Variants in LIMCH1 observed in about 807,000 individuals in gnomAD.
The protein encoded by LIMCH1 is LIM and calponin homology domains-containing protein 1.
Under a neutral mutation model 176.5 loss-of-function variants are expected in LIMCH1, and 113 were observed. That is an observed-to-expected ratio of 0.64 (90% CI 0.55 to 0.75). LIMCH1 has a LOEUF of 0.75. Among genes scored for constraint, LIMCH1 ranks in the 30% least tolerant of loss-of-function variants. The pLI is 0.00. For synonymous variants in LIMCH1, 619 were observed against 645.9 expected (o/e 0.96, Z 0.63); for missense variants, 1,674 against 1,814.9 (o/e 0.92, Z 1.41).
At chr4:41,490,277 CT>C (rs750458277) in intron 1 of LIMCH1, among the ~76,000 whole-genome samples, 2,556 of 134,058 alleles carry the variant, frequency 0.019, 44 homozygotes, top group African/African-American at 0.051. Flanking sequence ...TTCTCCCTTT[CT>C]TTTTTTTTTT....
At chr4:41,566,054 A>C (rs989907749) in intron 1 of LIMCH1, among the ~76,000 whole-genome samples, 1 of 152,246 alleles carries the variant, frequency 6.6e-6, no homozygotes. Flanking sequence ...GCCAGAGTTC[A>C]AACCAAAGTC....
intron 1 of LIMCH1, among the ~76,000 whole-genome samples, chr4:41,565,154 A>G (rs1169567506): frequency 6.6e-6 from 1 of 152,124 alleles, no homozygotes; most frequent in Non-Finnish European, 1.5e-5. Context: ...GTGATGGGAC[A>G]CTGCTGTTTT....
chr4:41,484,520 C>A (rs192631493), intron 1 of LIMCH1, among the ~76,000 whole-genome samples: 3 of 152,180 alleles, frequency 2.0e-5, no homozygotes, highest in Admixed American at 2.0e-4. Context: ...TGCTTTATTT[C>A]ACAATTTAGG....
intron 3 of LIMCH1, among the ~76,000 whole-genome samples, chr4:41,604,484 A>T (rs936384748): frequency 6.6e-6 from 1 of 152,218 alleles, no homozygotes; most frequent in Non-Finnish European, 1.5e-5. Context: ...TAAAATTTTA[A>T]AATTGGCTGA....
chr4:41,621,811 C>T (rs557085252), intron 7 of LIMCH1, among the ~76,000 whole-genome samples: 101 of 152,116 alleles, frequency 6.6e-4, no homozygotes, highest in Non-Finnish European at 1.3e-3. Context: ...TGGTCACCAC[C>T]GACCTGGTGA....
upstream of LIMCH1, chr4:41,360,773 C>T: frequency 1.6e-6 from 2 of 1,231,654 alleles, no homozygotes; most frequent in Non-Finnish European, 2.2e-6. The surrounding 1 kb of genome is among the most constrained non-coding windows in gnomAD (Gnocchi z 4.5). Context: ...GCGGGGAGCG[C>T]GCTCCTGCGG....
At chr4:41,418,265 A>G (rs1306372462) in intron 1 of LIMCH1, among the ~76,000 whole-genome samples, 1 of 152,226 alleles carries the variant, frequency 6.6e-6, no homozygotes, top group Non-Finnish European at 1.5e-5. Context: ...TCTGACTTTC[A>G]AAAATTTAAT....
chr4:41,671,440 A>ACACACACACACACAC, intron 21 of LIMCH1, 114 bp from the exon 22 acceptor site: 1 of 703,286 alleles, frequency 1.4e-6, no homozygotes, highest in African/African-American at 1.8e-5. Context: ...ACACACACAC[A>ACACACACACACACAC]AAATTGGTTT....
At chr4:41,531,975 TG>T (rs2077374605) in intron 3 of LIMCH1, among the ~76,000 whole-genome samples, 1 of 152,098 alleles carries the variant, frequency 6.6e-6, no homozygotes, top group Admixed American at 6.5e-5. Context: ...TCAGCCAAAA[TG>T]GAATTTAATG....
At chr4:41,364,739 G>A (rs2052709975) in intron 1 of LIMCH1, among the ~76,000 whole-genome samples, 1 of 152,164 alleles carries the variant, frequency 6.6e-6, no homozygotes, top group Non-Finnish European at 1.5e-5. Context: ...TGTTCTTGTA[G>A]ATGATCTAAT....
chr4:41,575,883 G>A (rs2084386003), intron 1 of LIMCH1, among the ~76,000 whole-genome samples: 1 of 152,112 alleles, frequency 6.6e-6, no homozygotes, highest in African/African-American at 2.4e-5. Flanking sequence ...GCCACAGTTG[G>A]TACTACAATA....
chr4:41,525,173 TAGA>T (rs1402478057), intron 3 of LIMCH1, among the ~76,000 whole-genome samples: 1 of 150,068 alleles, frequency 6.7e-6, no homozygotes, highest in Non-Finnish European at 1.5e-5. Context: ...AGGAAAGAAG[TAGA>T]AGATGAGGAA....
chr4:41,604,306 G>A, intron 3 of LIMCH1: 1 of 656,474 alleles, frequency 1.5e-6, no homozygotes, highest in Non-Finnish European at 1.9e-6. Context: ...AGTGTTGACT[G>A]CCATGGGCCT....
chr4:41,512,161 G>A (rs775346411), intron 2 of LIMCH1, among the ~76,000 whole-genome samples: 5 of 152,144 alleles, frequency 3.3e-5, no homozygotes, highest in Non-Finnish European at 7.4e-5. Context: ...GATGTTCAAC[G>A]TTGTTAGTCT....
At chr4:41,360,325 T>C (rs2051815571), upstream of LIMCH1, among the ~76,000 whole-genome samples, 1 of 152,042 alleles carries the variant, frequency 6.6e-6, no homozygotes, top group South Asian at 2.1e-4. The surrounding 1 kb of genome is among the most constrained non-coding windows in gnomAD (Gnocchi z 4.5). Context: ...CCGCGCGTCC[T>C]ACTGCTCCGG....
intron 1 of LIMCH1, among the ~76,000 whole-genome samples, chr4:41,478,418 C>G (rs2068069150): frequency 6.6e-6 from 1 of 152,174 alleles, no homozygotes; most frequent in Admixed American, 6.5e-5. Flanking sequence ...TGTGATCATT[C>G]TGTCTTTATG....
At chr4:41,596,891 A>G (rs533487382) in intron 1 of LIMCH1, among the ~76,000 whole-genome samples, 13 of 152,258 alleles carry the variant, frequency 8.5e-5, no homozygotes, top group Middle Eastern at 3.4e-3. Context: ...CCTAGGCTTT[A>G]CCCAGAAAGA....
At chr4:41,614,447 G>A (rs772448648) in intron 5 of LIMCH1, among the ~76,000 whole-genome samples, 21 of 152,088 alleles carry the variant, frequency 1.4e-4, no homozygotes, top group Non-Finnish European at 2.4e-4. Context: ...ATAAACTTGC[G>A]GAAAAACATG....
At chr4:41,413,495 A>ATTTTT (rs10631082) in intron 1 of LIMCH1, among the ~76,000 whole-genome samples, 9 of 139,454 alleles carry the variant, frequency 6.5e-5, no homozygotes, top group Non-Finnish European at 6.3e-5. Flanking sequence ...ATGCCTGGCT[A>ATTTTT]TTTTTTTTTT....
Sources: allele counts gnomAD v4.1 joint callset (sites outside exome capture counted in the v4.1 genomes callset), GRCh38; gene constraint gnomAD v4.1.1; non-coding constraint Gnocchi (gnomAD v3.1); transcripts MANE v1.5; gene names NCBI Gene and HGNC (gene_info 2026-07-23, HGNC 2026-07-21).